The following CMSS1 variants were observed in gnomAD, a reference collection of about 807,000 sequenced individuals.
The protein encoded by CMSS1 is protein CMSS1.
A neutral mutation model predicts 43.5 loss-of-function variants in CMSS1; 33 were observed. The observed-to-expected ratio is 0.76, with a 90% confidence interval of 0.57 to 1.01. The LOEUF (loss-of-function observed/expected upper bound fraction) is 1.01, where lower values mean the gene tolerates loss of function less well. Ranked by LOEUF, CMSS1 falls within the 50% of genes least tolerant of loss-of-function variation. The probability of loss-of-function intolerance (pLI) is 0.00; values close to 1 mark genes in which losing one functional copy is unlikely to be tolerated. For missense variants in CMSS1, 313 were observed against 326.4 expected, an observed-to-expected ratio of 0.96 and a Z score of 0.32; for synonymous variants, 115 against 117.2, an observed-to-expected ratio of 0.98 and a Z score of 0.12.
chr3:99,984,022 G>A lies in CMSS1; in HGVS notation c.65-162951G>A, dbSNP rs193016999. On this transcript the variant is annotated intron_variant, in intron 1 of 9. Transcript: ENST00000421999. Reference sequence around the variant, plus strand: ...GTTAATCTCCTAACTTCTGTGATATGTTAATTAGCATGAAAAAGGATGTAT... The same window carrying A: ...GTTAATCTCCTAACTTCTGTGATATATTAATTAGCATGAAAAAGGATGTAT... 7.3e-5 allele frequency among the ~76,000 whole-genome samples: 9 copies of A among 123,226 alleles called. No homozygotes were observed. The East Asian group carries it at 2.1e-3, about 29-fold the overall frequency. 80.8% of individuals were successfully genotyped at this position (123,226 alleles called of 152,430 possible).
At chr3:100,112,324 G>C (rs151195175) in intron 1 of CMSS1, among the ~76,000 whole-genome samples, 29 of 152,232 alleles carry the variant, frequency 1.9e-4, no homozygotes, top group Non-Finnish European at 2.5e-4. Flanking sequence ...AAAGAAGATA[G>C]AGCCCATTAC....
intron 1 of CMSS1, among the ~76,000 whole-genome samples, chr3:99,882,873 G>A (rs753513047): frequency 6.6e-6 from 1 of 152,126 alleles, no homozygotes; most frequent in Non-Finnish European, 1.5e-5. Context: ...GTTTTAAATT[G>A]GAGATTTATA....
intron 1 of CMSS1, chr3:99,875,932 A>C: frequency 2.2e-6 from 1 of 457,268 alleles, no homozygotes; most frequent in Non-Finnish European, 2.9e-6. Flanking sequence ...TTTTGAACCT[A>C]GAATTCATTG....
chr3:99,833,966 A>G, intron 1 of CMSS1, among the ~76,000 whole-genome samples: 1 of 152,264 alleles, frequency 6.6e-6, no homozygotes, highest in East Asian at 1.9e-4. Flanking sequence ...TGATGAAAAG[A>G]AGGAAATGCT....
At chr3:100,080,230 GC>G (rs1239293441) in intron 1 of CMSS1, among the ~76,000 whole-genome samples, 1 of 151,958 alleles carries the variant, frequency 6.6e-6, no homozygotes, top group Non-Finnish European at 1.5e-5. Context: ...CCATCCACCT[GC>G]CTTGGCCTCC....
intron 1 of CMSS1, chr3:100,025,705 A>G (rs1413740031): frequency 6.6e-6 from 1 of 152,144 alleles, no homozygotes; most frequent in East Asian, 1.9e-4. Flanking sequence ...GTTACCAGGC[A>G]CTTTATTCTA....
intron 1 of CMSS1, among the ~76,000 whole-genome samples, chr3:99,999,602 G>C (rs1709784659): frequency 6.6e-6 from 1 of 152,190 alleles, no homozygotes; most frequent in Non-Finnish European, 1.5e-5. Flanking sequence ...TCTTGAATCT[G>C]TTAGAGAGGA....
At chr3:99,835,477 T>C (rs1043329762) in intron 1 of CMSS1, among the ~76,000 whole-genome samples, 5 of 152,234 alleles carry the variant, frequency 3.3e-5, no homozygotes, top group African/African-American at 1.2e-4. Flanking sequence ...ATTAGCCATA[T>C]GAGCTTTTGT....
chr3:100,089,282 TTA>T (rs2066064284), intron 1 of CMSS1, among the ~76,000 whole-genome samples: 1 of 152,194 alleles, frequency 6.6e-6, no homozygotes. Context: ...AGGAAGTATT[TTA>T]TTATTTAGAG....
chr3:99,849,904 C>T lies in CMSS1; in HGVS notation c.64+31861C>T, dbSNP rs1440329105. The T allele has an allele frequency of 1.2e-6, 2 of 1,611,818 alleles. No homozygotes were observed. ...CTCAATTGCTTCCAATGATTGAAGC[C>T]TATTTTTCAACATATTAACTCTTGA... On this transcript the variant is annotated intron_variant, in intron 1 of 9. Transcript: ENST00000421999.
chr3:99,868,135 C>T (rs991265844), intron 1 of CMSS1, among the ~76,000 whole-genome samples: 1 of 152,140 alleles, frequency 6.6e-6, no homozygotes, highest in Non-Finnish European at 1.5e-5. Flanking sequence ...TTTGCAGTCA[C>T]CAGCTCTCTT....
In CMSS1 at chr3:99,930,162, T is replaced by C. The variant is rs564525800; in HGVS notation, c.64+112119T>C. 6.8e-6 allele frequency: 5 copies of C among 738,698 alleles called. No homozygotes were observed. The Admixed American group carries it at 1.4e-4, about 21-fold the overall frequency. 45.8% of individuals were successfully genotyped at this position (738,698 alleles called of 1,614,324 possible). A position where few individuals can be genotyped will look rare whatever the true frequency, so the allele number is the denominator to read the frequency against. ...TGAATCATATTTCATTTTCACACTT[T>C]TATAAAAGGTAACAAAACTATATCC... On this transcript the variant is annotated intron_variant, in intron 1 of 9. Coordinates refer to ENST00000421999, the MANE Select transcript of CMSS1 (RefSeq NM_032359.4).
intron 1 of CMSS1, among the ~76,000 whole-genome samples, chr3:100,081,182 A>G (rs187190780): frequency 2.5e-4 from 38 of 152,306 alleles, no homozygotes; most frequent in African/African-American, 9.1e-4. Context: ...ATCCTCTCTC[A>G]AGATGGAACT....
chr3:99,896,036 T>C (rs1021247399), intron 1 of CMSS1, among the ~76,000 whole-genome samples: 11 of 152,128 alleles, frequency 7.2e-5, no homozygotes, highest in African/African-American at 2.2e-4. Flanking sequence ...TTCCATATTA[T>C]AAAGCATGAG....
chr3:99,818,724 C>A (rs923998253), intron 1 of CMSS1, among the ~76,000 whole-genome samples: 2 of 152,170 alleles, frequency 1.3e-5, no homozygotes, highest in African/African-American at 4.8e-5. Flanking sequence ...TGTCAAGTAA[C>A]TTGACAAGTT....
intron 1 of CMSS1, among the ~76,000 whole-genome samples, chr3:99,911,933 TTCTC>T (rs780596527): frequency 6.6e-6 from 1 of 152,170 alleles, no homozygotes; most frequent in East Asian, 1.9e-4. Context: ...AAAATGTTCG[TTCTC>T]TCTTTTTTTT....
At chr3:100,117,257 T>C (rs2066578237) in intron 1 of CMSS1, among the ~76,000 whole-genome samples, 1 of 152,196 alleles carries the variant, frequency 6.6e-6, no homozygotes, top group African/African-American at 2.4e-5. Context: ...ATTTATGTTA[T>C]TTGATTTTAA....
At chr3:100,041,210 C>CT (rs1430684562) in intron 1 of CMSS1, 1 of 152,090 alleles carries the variant, frequency 6.6e-6, no homozygotes, top group Admixed American at 6.6e-5. Flanking sequence ...TTCAAACAAG[C>CT]TATGGAATCT....
intron 2 of CMSS1, among the ~76,000 whole-genome samples, chr3:100,149,071 T>G (rs1344941798): frequency 6.6e-6 from 1 of 152,220 alleles, no homozygotes; most frequent in Non-Finnish European, 1.5e-5. Context: ...TACTTGCACG[T>G]AGTCTTCTTC....
Sources: allele counts gnomAD v4.1 joint callset (sites outside exome capture counted in the v4.1 genomes callset), GRCh38; gene constraint gnomAD v4.1.1; transcripts MANE v1.5; gene names NCBI Gene and HGNC (gene_info 2026-07-23, HGNC 2026-07-21).